MSH4: variants seen among roughly 807,000 people sequenced by gnomAD.
The protein encoded by MSH4 is mutS homolog 4.
A neutral mutation model predicts 113.7 loss-of-function variants in MSH4; 106 were observed. The ratio of observed to expected loss-of-function variants is 0.93; its 90% CI spans 0.80 to 1.10. The LOEUF (loss-of-function observed/expected upper bound fraction) is 1.10, where lower values mean the gene tolerates loss of function less well. MSH4 is among the 50% of genes least tolerant of loss of function. The pLI, the probability that MSH4 is intolerant of heterozygous loss-of-function variation, is 0.00. For missense variants in MSH4, 1,061 were observed against 1,093.7 expected, an observed-to-expected ratio of 0.97 and a Z score of 0.42; for synonymous variants, 368 against 380.2, an observed-to-expected ratio of 0.97 and a Z score of 0.37.
intron 8 of MSH4, among the ~76,000 whole-genome samples, chr1:75,866,728 C>T (rs1291621412): frequency 1.3e-5 from 2 of 151,976 alleles, no homozygotes; most frequent in Non-Finnish European, 2.9e-5. Flanking sequence ...TGCCTGTAAT[C>T]CCAGAACTTT....
chr1:75,870,736 T>C (rs776467517), intron 9 of MSH4, among the ~76,000 whole-genome samples: 1 of 152,182 alleles, frequency 6.6e-6, no homozygotes, highest in South Asian at 2.1e-4. Context: ...CCTTTTTCCT[T>C]TATAAATTAC....
chr1:75,810,281 C>A (rs908480546), intron 3 of MSH4, among the ~76,000 whole-genome samples: 1 of 151,784 alleles, frequency 6.6e-6, no homozygotes, highest in Admixed American at 6.6e-5. Flanking sequence ...CCTAGACTGG[C>A]GTGCAAAGGT....
chr1:75,860,099 T>G (rs1363205728), intron 8 of MSH4, among the ~76,000 whole-genome samples: 5 of 152,146 alleles, frequency 3.3e-5, no homozygotes, highest in Admixed American at 3.3e-4. Flanking sequence ...CTTTTTTTTT[T>G]GCTTTCCATT....
chr1:75,893,743 A>C (rs76079466), intron 17 of MSH4, among the ~76,000 whole-genome samples: 2 of 152,220 alleles, frequency 1.3e-5, no homozygotes, highest in Non-Finnish European at 2.9e-5. Context: ...TCCATGGAAC[A>C]TGCATGGGAA....
At chr1:75,801,553 AGT>A (rs1479639954) in intron 1 of MSH4, among the ~76,000 whole-genome samples, 1 of 141,500 alleles carries the variant, frequency 7.1e-6, no homozygotes, top group African/African-American at 2.6e-5. Context: ...GGGCAACAAG[AGT>A]GAAACTCCAT....
intron 18 of MSH4, among the ~76,000 whole-genome samples, chr1:75,899,179 T>A (rs1372857009): frequency 2.6e-5 from 4 of 152,190 alleles, no homozygotes; most frequent in African/African-American, 9.6e-5. Flanking sequence ...AACTGTTACA[T>A]CTTCTGAGAA....
chr1:75,898,357 A>G (rs530979438), intron 18 of MSH4, among the ~76,000 whole-genome samples: 1 of 152,148 alleles, frequency 6.6e-6, no homozygotes, highest in East Asian at 1.9e-4. Context: ...TAGAAAATGT[A>G]ATTTATCTTA....
intron 6 of MSH4, among the ~76,000 whole-genome samples, chr1:75,817,031 C>G (rs1005256980): frequency 6.6e-6 from 1 of 152,188 alleles, no homozygotes; most frequent in East Asian, 1.9e-4. Context: ...ATTGTCCTGC[C>G]TCAGCCTCCA....
chr1:75,821,531 C>T (rs1417459747), intron 6 of MSH4, among the ~76,000 whole-genome samples: 3 of 152,174 alleles, frequency 2.0e-5, no homozygotes, highest in South Asian at 2.1e-4. Context: ...CAAAAGCTAG[C>T]GGAATGCAAA....
intron 7 of MSH4, among the ~76,000 whole-genome samples, chr1:75,847,817 C>T (rs541606451): frequency 1.4e-4 from 22 of 152,270 alleles, no homozygotes; most frequent in South Asian, 1.2e-3. Flanking sequence ...TCACTCATCA[C>T]GGTAGGAATG....
intron 7 of MSH4, among the ~76,000 whole-genome samples, chr1:75,826,550 G>T (rs943995146): frequency 1.3e-5 from 2 of 152,140 alleles, no homozygotes; most frequent in African/African-American, 2.4e-5. Context: ...TAATTGTGAT[G>T]TTAGGGTGTC....
chr1:75,811,569 T>C (rs1650189833), intron 4 of MSH4, among the ~76,000 whole-genome samples: 1 of 152,206 alleles, frequency 6.6e-6, no homozygotes, highest in South Asian at 2.1e-4. Flanking sequence ...CAGAATTGTT[T>C]CAGCTTCCCC....
At chr1:75,906,336 T>C (rs1490444943) in intron 19 of MSH4, among the ~76,000 whole-genome samples, 1 of 144,004 alleles carries the variant, frequency 6.9e-6, no homozygotes, top group Admixed American at 7.5e-5. Context: ...TACCATTTTG[T>C]TACTTGTTAT....
At chr1:75,878,453 T>C in intron 11 of MSH4, 135 bp downstream of exon 11, 2 of 681,504 alleles carry the variant, frequency 2.9e-6, no homozygotes, top group Non-Finnish European at 2.4e-6. Flanking sequence ...AAGGTTAGCA[T>C]GTAGTGCCAT....
In MSH4 at chr1:75,810,814, G is replaced by C; in HGVS notation, c.699+7G>C. 2 of 1,329,978 alleles carry C rather than the reference G, an allele frequency of 1.5e-6. No individual in the cohort carries two copies. Among genetic ancestry groups the C allele is most frequent in the Non-Finnish European group, 2.1e-6 (2 of 945,136 alleles). 82.4% of individuals were successfully genotyped at this position (1,329,978 alleles called of 1,614,324 possible). On this transcript the variant is annotated splice_region_variant and intron_variant, in intron 4 of 19. Coordinates refer to ENST00000263187, the MANE Select transcript of MSH4 (RefSeq NM_002440.4). ...GATCACAGAAAATTTCAAGGTAAGT[G>C]ATGTTTACTGTTTGTAACATTCAAG...
intron 7 of MSH4, among the ~76,000 whole-genome samples, chr1:75,836,286 C>T (rs1650825396): frequency 1.3e-5 from 1 of 78,260 alleles, no homozygotes; most frequent in African/African-American, 4.3e-5. Flanking sequence ...TTCTTTTTCT[C>T]TTTTTCTTTC....
chr1:75,824,470 A>T (rs1167448555), intron 7 of MSH4, among the ~76,000 whole-genome samples: 1 of 152,076 alleles, frequency 6.6e-6, no homozygotes, highest in Non-Finnish European at 1.5e-5. Context: ...GAAGCGCTTT[A>T]GTTTAATTGA....
At position 75,823,973 on chromosome 1, in the gene MSH4, A is replaced by AT. The variant is rs1390801804; in HGVS notation, c.1162+1399dup. 2.0e-5 allele frequency among the ~76,000 whole-genome samples: 3 copies of AT among 152,140 alleles called. No individual in the cohort carries two copies. The East Asian group carries it at 5.8e-4, about 29-fold the overall frequency. ...TGTCTTTATAGTAGAAAGATTTATA[A>AT]TTTTTTTGGTATATACTCAGTAATG... On this transcript the variant is annotated intron_variant, in intron 7 of 19. Coordinates refer to ENST00000263187, the MANE Select transcript of MSH4 (RefSeq NM_002440.4).
intron 15 of MSH4, among the ~76,000 whole-genome samples, chr1:75,887,608 A>G (rs1276383054): frequency 6.6e-6 from 1 of 152,166 alleles, no homozygotes; most frequent in Admixed American, 6.6e-5. Flanking sequence ...ACTCCATGTT[A>G]TAGATGAGTA....
Sources: gnomAD v4.1 joint callset for allele counts (sites outside exome capture counted in the v4.1 genomes callset) on GRCh38, gnomAD v4.1.1 for gene constraint, MANE v1.5 for transcripts, NCBI Gene and HGNC (gene_info 2026-07-23, HGNC 2026-07-21) for gene names.